The following SMYD3 variants were observed in gnomAD, a reference collection of about 807,000 sequenced individuals.
SMYD3 encodes the protein SET and MYND domain containing 3, also known as histone-lysine N-methyltransferase SMYD3.
A neutral mutation model predicts 57.7 loss-of-function variants in SMYD3; 36 were observed. The ratio of observed to expected loss-of-function variants is 0.62; its 90% CI spans 0.48 to 0.82. SMYD3 has a LOEUF of 0.82. SMYD3 is among the 40% of genes least tolerant of loss of function. The pLI, the probability that SMYD3 is intolerant of heterozygous loss-of-function variation, is 0.00. For synonymous variants in SMYD3, 211 were observed against 195.0 expected, an observed-to-expected ratio of 1.08 and a Z score of -0.68; for missense variants, 515 against 538.8, an observed-to-expected ratio of 0.96 and a Z score of 0.44.
chr1:246,366,959 C>T (rs1301889877), intron 1 of SMYD3, among the ~76,000 whole-genome samples: 4 of 147,558 alleles, frequency 2.7e-5, no homozygotes, highest in African/African-American at 1.0e-4. Context: ...AAAATCACCA[C>T]ATGTCATTTC....
chr1:246,215,451 C>A (rs1169354386), intron 5 of SMYD3, among the ~76,000 whole-genome samples: 4 of 152,022 alleles, frequency 2.6e-5, no homozygotes, highest in Non-Finnish European at 5.9e-5. Flanking sequence ...TTCAAAGACA[C>A]CATTTTTTTT....
intron 5 of SMYD3, among the ~76,000 whole-genome samples, chr1:246,217,650 G>A (rs1319902334): frequency 6.6e-6 from 1 of 152,112 alleles, no homozygotes; most frequent in Non-Finnish European, 1.5e-5. Context: ...AAGTAAATAT[G>A]TTTAAGATGT....
At chr1:246,251,605 A>G (rs1572281431) in intron 5 of SMYD3, among the ~76,000 whole-genome samples, 1 of 32,466 alleles carries the variant, frequency 3.1e-5, no homozygotes, top group Admixed American at 3.2e-4. Flanking sequence ...GGTGCCGCGG[A>G]CACTGTGCCC....
intron 10 of SMYD3, among the ~76,000 whole-genome samples, chr1:245,850,741 T>C (rs541475825): frequency 6.6e-6 from 1 of 152,258 alleles, no homozygotes; most frequent in Admixed American, 6.5e-5. Flanking sequence ...TACCCTAAAA[T>C]AGCTGCATAA....
intron 5 of SMYD3, among the ~76,000 whole-genome samples, chr1:246,032,563 T>C (rs770140888): frequency 3.3e-5 from 5 of 152,220 alleles, no homozygotes; most frequent in Non-Finnish European, 7.3e-5. Context: ...TCACCAAAGA[T>C]GGGATCATAA....
chr1:245,907,207 T>TA (rs1355898797), intron 8 of SMYD3, among the ~76,000 whole-genome samples: 4 of 152,294 alleles, frequency 2.6e-5, no homozygotes, highest in African/African-American at 7.2e-5. Flanking sequence ...TAAGATAACT[T>TA]AAAAAATGTA....
intron 8 of SMYD3, among the ~76,000 whole-genome samples, chr1:245,896,375 T>C (rs975198426): frequency 5.6e-5 from 7 of 124,310 alleles, no homozygotes; most frequent in Admixed American, 2.4e-4. Flanking sequence ...GAACCAAAAA[T>C]AGCTTTGCCA....
chr1:246,126,461 AT>A (rs1476017976), intron 5 of SMYD3, among the ~76,000 whole-genome samples: 2 of 152,210 alleles, frequency 1.3e-5, no homozygotes, highest in Non-Finnish European at 2.9e-5. Flanking sequence ...TAGTCACTGA[AT>A]TATCAAGGAA....
intron 5 of SMYD3, among the ~76,000 whole-genome samples, chr1:245,949,169 C>A (rs2147933338): frequency 6.6e-6 from 1 of 152,280 alleles, no homozygotes; most frequent in East Asian, 1.9e-4. Flanking sequence ...GCCCAAGGAC[C>A]CTCCCACCCA....
chr1:245,812,093 G>A (rs1355726807), intron 10 of SMYD3, among the ~76,000 whole-genome samples: 3 of 152,092 alleles, frequency 2.0e-5, no homozygotes, highest in African/African-American at 7.2e-5. Context: ...GCTTGAGATT[G>A]GCATGATCTC....
At chr1:246,385,966 G>A (rs1441723976) in intron 1 of SMYD3, among the ~76,000 whole-genome samples, 1 of 151,846 alleles carries the variant, frequency 6.6e-6, no homozygotes, top group Non-Finnish European at 1.5e-5. Flanking sequence ...TCGGCTCACT[G>A]CAAGCTCCAC....
intron 5 of SMYD3, among the ~76,000 whole-genome samples, chr1:246,313,066 C>T (rs1311032481): frequency 1.3e-5 from 2 of 151,980 alleles, no homozygotes; most frequent in African/African-American, 4.8e-5. Context: ...AGGCATGAGC[C>T]ACCACAATTT....
chr1:246,390,367 T>C (rs571458709), intron 1 of SMYD3, among the ~76,000 whole-genome samples: 5 of 152,194 alleles, frequency 3.3e-5, no homozygotes, highest in African/African-American at 1.2e-4. Flanking sequence ...TAAAAACCAT[T>C]ATTCAGTGGA....
intron 5 of SMYD3, among the ~76,000 whole-genome samples, chr1:246,316,818 A>G (rs1240156414): frequency 6.7e-6 from 1 of 150,258 alleles, no homozygotes; most frequent in Non-Finnish European, 1.5e-5. Context: ...ACATGGTGAA[A>G]CCCCATCTCA....
intron 5 of SMYD3, among the ~76,000 whole-genome samples, chr1:246,168,752 A>C (rs904420706): frequency 4.6e-5 from 7 of 152,198 alleles, no homozygotes; most frequent in African/African-American, 1.7e-4. Context: ...CATGTCAAGC[A>C]GTCCACCTGC....
chr1:246,338,513 C>G (rs2065579888), intron 2 of SMYD3, among the ~76,000 whole-genome samples: 1 of 152,232 alleles, frequency 6.6e-6, no homozygotes, highest in African/African-American at 2.4e-5. Context: ...AGATTTTGCT[C>G]ATAACATTGG....
chr1:246,285,911 G>A (rs2064551866), intron 5 of SMYD3, among the ~76,000 whole-genome samples: 1 of 151,884 alleles, frequency 6.6e-6, no homozygotes, highest in East Asian at 1.9e-4. Flanking sequence ...TAATGATCAG[G>A]GAAACAAAAA....
Position 246,442,857 on chromosome 1 carries a change from GT to G in SMYD3, c.164+64196del, listed in dbSNP as rs148589510. Among the ~76,000 whole-genome samples the G allele has an allele frequency of 2.0e-3, 304 of 152,200 alleles. 1 individual carries two copies. Among genetic ancestry groups the G allele is most frequent in the African/African-American group, 7.2e-3 (298 of 41,534 alleles). On this transcript the variant is annotated intron_variant, in intron 1 of 11. Transcript: ENST00000490107. Reference sequence around the variant, plus strand: ...AGATGATCTTGGGAGCCAGACTCTGGTAAGAATCTGTGCCCTGGGAAGGACG... The same window carrying G: ...AGATGATCTTGGGAGCCAGACTCTGGAAGAATCTGTGCCCTGGGAAGGACG...
At chr1:245,964,979 T>C (rs1429936710) in intron 5 of SMYD3, among the ~76,000 whole-genome samples, 1 of 151,924 alleles carries the variant, frequency 6.6e-6, no homozygotes, top group Non-Finnish European at 1.5e-5. Context: ...CCATGAAGCT[T>C]AGAGAACACT....
Sources: allele counts gnomAD v4.1 joint callset (sites outside exome capture counted in the v4.1 genomes callset), GRCh38; gene constraint gnomAD v4.1.1; transcripts MANE v1.5; gene names NCBI Gene and HGNC (gene_info 2026-07-23, HGNC 2026-07-21).